MBD2: variants seen among roughly 807,000 people sequenced by gnomAD.
MBD2 encodes the protein methyl-CpG-binding domain protein 2.
MBD2 carries 9 observed loss-of-function variants against 39.3 expected under a neutral mutation model. That is an observed-to-expected ratio of 0.23 (90% CI 0.14 to 0.40). The LOEUF is 0.40. Among genes scored for constraint, MBD2 ranks in the 10% least tolerant of loss-of-function variants. The probability of loss-of-function intolerance (pLI) is 1.00; values close to 1 mark genes in which losing one functional copy is unlikely to be tolerated. For synonymous variants in MBD2, 233 were observed against 211.1 expected, an observed-to-expected ratio of 1.10 and a Z score of -0.90; for missense variants, 458 against 532.6, an observed-to-expected ratio of 0.86 and a Z score of 1.38.
intron 6 of MBD2, among the ~76,000 whole-genome samples, chr18:54,157,826 C>T (rs1188488262): frequency 6.6e-6 from 1 of 152,144 alleles, no homozygotes; most frequent in African/African-American, 2.4e-5. Flanking sequence ...GAGGCATCCT[C>T]GCCACTCTCT....
At chr18:54,176,582 TAGGG>T (rs2086213997) in intron 3 of MBD2, among the ~76,000 whole-genome samples, 1 of 152,242 alleles carries the variant, frequency 6.6e-6, no homozygotes, top group Non-Finnish European at 1.5e-5. Flanking sequence ...GACACTGGGT[TAGGG>T]CTACGTGGAT....
chr18:54,159,973 G>T, intron 5 of MBD2, 70 bp from the exon 6 acceptor site: 1 of 1,506,310 alleles, frequency 6.6e-7, no homozygotes. Flanking sequence ...TGCTACAGAA[G>T]TTCATCCTTA....
At chr18:54,209,029 T>G (rs1359666491) in intron 1 of MBD2, among the ~76,000 whole-genome samples, 1 of 152,192 alleles carries the variant, frequency 6.6e-6, no homozygotes, top group African/African-American at 2.4e-5. Flanking sequence ...GCACGGTGGC[T>G]CACACCTGTA....
At chr18:54,216,116 A>C (rs1268545410) in intron 1 of MBD2, among the ~76,000 whole-genome samples, 1 of 152,204 alleles carries the variant, frequency 6.6e-6, no homozygotes, top group African/African-American at 2.4e-5. Flanking sequence ...CCTTGAAGAT[A>C]GATTTTTTTC....
At chr18:54,156,934 A>G (rs1050157678) in intron 6 of MBD2, among the ~76,000 whole-genome samples, 1 of 152,178 alleles carries the variant, frequency 6.6e-6, no homozygotes, top group Non-Finnish European at 1.5e-5. Context: ...AAATGATTTC[A>G]TGAGAAAAGT....
intron 2 of MBD2, among the ~76,000 whole-genome samples, chr18:54,198,355 T>C (rs2086381509): frequency 6.6e-6 from 1 of 152,222 alleles, no homozygotes. Flanking sequence ...TCTCCTGCTT[T>C]TAAAAAAGTG....
chr18:54,204,209 G>T (rs764920051), intron 2 of MBD2, among the ~76,000 whole-genome samples: 7 of 152,174 alleles, frequency 4.6e-5, no homozygotes, highest in Non-Finnish European at 1.0e-4. Flanking sequence ...AGACAATGGT[G>T]GTGGCAATAC....
intron 1 of MBD2, among the ~76,000 whole-genome samples, chr18:54,216,795 C>T (rs532895594): frequency 2.0e-5 from 3 of 152,184 alleles, no homozygotes; most frequent in Admixed American, 1.3e-4. Context: ...GGGCCAGGCG[C>T]GGTGGCTCAT....
chr18:54,161,061 G>A (rs2086094004), intron 5 of MBD2, among the ~76,000 whole-genome samples: 1 of 152,134 alleles, frequency 6.6e-6, no homozygotes, highest in African/African-American at 2.4e-5. Context: ...AGAGGTAGAG[G>A]AGCAATGCTA....
At chr18:54,178,432 T>A (rs1046525826) in intron 3 of MBD2, among the ~76,000 whole-genome samples, 7 of 152,034 alleles carry the variant, frequency 4.6e-5, no homozygotes, top group African/African-American at 1.2e-4. Context: ...GACCTTCAGA[T>A]CATATTTTAA....
rs1259181611 is a variant in MBD2, at chr18:54,154,381, A to C, written c.*943T>G. ...GTATTACAAACCCTTTCATTAAGCA[A>C]CTCTGTCTAGAAGCTGCCTCTCACT... On this transcript the variant is annotated 3_prime_UTR_variant, in exon 7 of 7. Coordinates refer to ENST00000256429, the MANE Select transcript of MBD2 (RefSeq NM_003927.5). 1 of 152,098 alleles carries C rather than the reference A, an allele frequency of 6.6e-6. No homozygotes were observed. Among genetic ancestry groups the C allele is most frequent in the Non-Finnish European group, 1.5e-5 (1 of 68,014 alleles). 9.4% of individuals were successfully genotyped at this position (152,098 alleles called of 1,614,324 possible). A position where few individuals can be genotyped will look rare whatever the true frequency, so the allele number is the denominator to read the frequency against.
intron 1 of MBD2, among the ~76,000 whole-genome samples, chr18:54,217,648 C>G (rs554661484): frequency 6.6e-6 from 1 of 152,238 alleles, no homozygotes; most frequent in Non-Finnish European, 1.5e-5. Context: ...TCAAAAAAAG[C>G]ATCACTTCCT....
chr18:54,177,449 T>TTCTTAAGC (rs956672557), intron 3 of MBD2, among the ~76,000 whole-genome samples: 5 of 152,348 alleles, frequency 3.3e-5, no homozygotes, highest in Admixed American at 2.6e-4. Flanking sequence ...TAAGAAAAGC[T>TTCTTAAGC]TTCTTGAAAC....
At chr18:54,160,359 C>T (rs188315320) in intron 5 of MBD2, among the ~76,000 whole-genome samples, 10 of 152,172 alleles carry the variant, frequency 6.6e-5, no homozygotes, top group Admixed American at 1.3e-4. Flanking sequence ...TGACATTCTG[C>T]GGCTAGGTTA....
chr18:54,181,329 C>A (rs1343702638), intron 3 of MBD2, among the ~76,000 whole-genome samples: 2 of 152,150 alleles, frequency 1.3e-5, no homozygotes, highest in African/African-American at 4.8e-5. Flanking sequence ...GCAACAATTA[C>A]TTTAAGAGTA....
In MBD2 at chr18:54,211,790, G is replaced by A. The variant is rs574703051; in HGVS notation, c.543-6633C>T. ...AGCTCTGGCTTAACAGCTTTCAGTG[G>A]ACTTTTACCCCATAAGCAAAAAAGC... On this transcript the variant is annotated intron_variant, in intron 1 of 6. Coordinates refer to ENST00000256429, the MANE Select transcript of MBD2 (RefSeq NM_003927.5). 7.2e-5 allele frequency among the ~76,000 whole-genome samples: 11 copies of A among 152,014 alleles called. No individual in the cohort carries two copies. The South Asian group carries it at 1.9e-3, about 26-fold the overall frequency.
At position 54,198,837 on chromosome 18, in the gene MBD2, C is replaced by T. The variant is rs79836016; in HGVS notation, c.702+6161G>A. On this transcript the variant is annotated intron_variant, in intron 2 of 6. Coordinates refer to ENST00000256429, the MANE Select transcript of MBD2 (RefSeq NM_003927.5). ...TCCTTCCAAGCTGACCTCTTTAAAT[C>T]TTTAAAGGAAAAATAACCATAATGT... Among the ~76,000 whole-genome samples the T allele has an allele frequency of 3.2e-4, 49 of 152,320 alleles. No individual in the cohort carries two copies. The East Asian group carries it at 8.7e-3, about 27-fold the overall frequency.
At chr18:54,200,055 A>G (rs2086393954) in intron 2 of MBD2, among the ~76,000 whole-genome samples, 1 of 152,244 alleles carries the variant, frequency 6.6e-6, no homozygotes, top group South Asian at 2.1e-4. Flanking sequence ...ATACTCACAA[A>G]AACATACTAC....
rs565039472 is a variant in MBD2 at position 54,224,051 on chromosome 18, A to C, written c.509T>G (p.Leu170Arg). 1.1e-5 allele frequency: 18 copies of C among 1,601,192 alleles called. No homozygotes were observed. The highest frequency in any genetic ancestry group is 2.3e-5 in the East Asian group (1 of 43,614). ...GTAGACATCGCTCTTGCCAGCACTT[A>C]GCCCAGATTTTCGGATCACTTCCTC... ...KKEEVIRKSG[L>R]SAGKSDVYYF... is the part of the protein sequence containing the mutation. The change falls in exon 1 of 7, where the codon CTA becomes CGA. Residue 170 changes from leucine to arginine, a missense_variant. Transcript: ENST00000256429.
Sources: gnomAD v4.1 joint callset for allele counts (sites outside exome capture counted in the v4.1 genomes callset) on GRCh38, gnomAD v4.1.1 for gene constraint, MANE v1.5 for transcripts, NCBI Gene and HGNC (gene_info 2026-07-23, HGNC 2026-07-21) for gene names.